The following PAX5 variants were observed in gnomAD, a reference collection of about 807,000 sequenced individuals.
PAX5 encodes the protein paired box protein Pax-5.
In PAX5, 9 loss-of-function variants were observed where a neutral mutation model predicts 43.7. That is an observed-to-expected ratio of 0.21 (90% CI 0.12 to 0.36). The LOEUF is 0.36. PAX5 is among the 10% of genes least tolerant of loss of function. PAX5 has a pLI of 1.00. For synonymous variants in PAX5, 228 were observed against 214.3 expected (o/e 1.06, Z -0.56); for missense variants, 383 against 532.7 (o/e 0.72, Z 2.77).
chr9:36,949,748 C>T (rs1193892536), intron 6 of PAX5, among the ~76,000 whole-genome samples: 1 of 152,240 alleles, frequency 6.6e-6, no homozygotes, highest in Non-Finnish European at 1.5e-5. Flanking sequence ...GTCCTCTCCT[C>T]AGGCCTTTCT....
intron 3 of PAX5, among the ~76,000 whole-genome samples, chr9:37,010,747 T>C (rs1342588616): frequency 6.6e-6 from 1 of 152,138 alleles, no homozygotes; most frequent in Admixed American, 6.5e-5. Context: ...CTGCCATCAG[T>C]GCAGTAAGAA....
chr9:36,947,318 A>C (rs1438600904), intron 6 of PAX5, among the ~76,000 whole-genome samples: 1 of 152,220 alleles, frequency 6.6e-6, no homozygotes, highest in Non-Finnish European at 1.5e-5. Flanking sequence ...GGCTAATGCA[A>C]TGTAAAAATT....
At chr9:37,001,810 C>CTT (rs3073720) in intron 5 of PAX5, among the ~76,000 whole-genome samples, 23,767 of 87,256 alleles carry the variant, frequency 0.27, 2,926 homozygotes, top group Non-Finnish European at 0.31. Context: ...ACAGCTCTGG[C>CTT]TTTTTTTTTT....
At chr9:36,925,322 A>AG (rs1460706696) in intron 6 of PAX5, among the ~76,000 whole-genome samples, 4 of 152,194 alleles carry the variant, frequency 2.6e-5, no homozygotes, top group Admixed American at 2.0e-4. Flanking sequence ...CATGTGGAGA[A>AG]GAGCACAGGC....
At chr9:36,979,393 A>G (rs1033307028) in intron 5 of PAX5, among the ~76,000 whole-genome samples, 1 of 152,220 alleles carries the variant, frequency 6.6e-6, no homozygotes, top group Non-Finnish European at 1.5e-5. Context: ...ATGTAGTTAA[A>G]TTGACGTGTT....
chr9:36,933,243 C>T (rs2132022226), intron 6 of PAX5, among the ~76,000 whole-genome samples: 1 of 152,242 alleles, frequency 6.6e-6, no homozygotes, highest in Non-Finnish European at 1.5e-5. Flanking sequence ...CCTGTCACCG[C>T]TCATCAGCCA....
rs199885584 is a variant in PAX5, at chr9:36,846,831, G to A, written c.1099+12C>T. 282 of 1,607,358 alleles carry A rather than the reference G, an allele frequency of 1.8e-4. No homozygotes were observed. The highest frequency in any genetic ancestry group is 1.7e-3 in the Middle Eastern group (10 of 6,020). ...GGCCCAAGGGCCCCGCAGGGCCTCC[G>A]CCAGTACTCACCAAGCAGCCCCGGG... On this transcript the variant is annotated intron_variant, in intron 9 of 9. Coordinates refer to ENST00000358127, the MANE Select transcript of PAX5 (RefSeq NM_016734.3).
rs768539122 is a variant in PAX5 at position 37,033,970 on chromosome 9, C to A, written c.46+16G>T. ...TCCCGGAGTTTGCACATCTGGAGCC[C>A]GTATCGCGGTCCTACCTGTCCTGCT... On this transcript the variant is annotated intron_variant, in intron 1 of 9. Transcript: ENST00000358127. 9.9e-6 allele frequency: 16 copies of A among 1,611,086 alleles called. No homozygotes were observed. Among genetic ancestry groups the A allele is most frequent in the Non-Finnish European group, 1.3e-5 (15 of 1,179,094 alleles).
intron 6 of PAX5, among the ~76,000 whole-genome samples, chr9:36,960,039 C>T (rs190231283): frequency 6.6e-6 from 1 of 152,326 alleles, no homozygotes; most frequent in East Asian, 1.9e-4. Context: ...GCAATTACTA[C>T]AGCAATCACT....
intron 7 of PAX5, among the ~76,000 whole-genome samples, chr9:36,908,500 C>T (rs114829702): frequency 1.3e-5 from 2 of 152,152 alleles, no homozygotes; most frequent in African/African-American, 4.8e-5. Flanking sequence ...ATTCTAAAAC[C>T]CTCAGGACTT....
chr9:37,026,028 G>A (rs1840320106), intron 1 of PAX5, among the ~76,000 whole-genome samples: 1 of 152,284 alleles, frequency 6.6e-6, no homozygotes, highest in African/African-American at 2.4e-5. Flanking sequence ...TGGAGCCCTA[G>A]CCCCGGTGTC....
chr9:36,953,285 G>C (rs1045548316), intron 6 of PAX5, among the ~76,000 whole-genome samples: 1 of 151,990 alleles, frequency 6.6e-6, no homozygotes, highest in African/African-American at 2.4e-5. Flanking sequence ...CTTTGTCTTT[G>C]ATATTCTGGC....
chr9:36,917,698 C>A (rs1030177629), intron 7 of PAX5, among the ~76,000 whole-genome samples: 37 of 152,292 alleles, frequency 2.4e-4, no homozygotes, highest in African/African-American at 8.4e-4. Flanking sequence ...CCCAGCACAC[C>A]TCATTTTACT....
chr9:36,944,571 C>G (rs759420989), intron 6 of PAX5, among the ~76,000 whole-genome samples: 2 of 152,178 alleles, frequency 1.3e-5, no homozygotes, highest in Admixed American at 1.3e-4. Context: ...GGTTCACGAC[C>G]TCACAGAGTC....
intron 8 of PAX5, among the ~76,000 whole-genome samples, chr9:36,849,975 G>T (rs1822992446): frequency 1.3e-5 from 2 of 151,950 alleles, no homozygotes; most frequent in Admixed American, 1.3e-4. Context: ...ATCCGGAGAA[G>T]CTAGGTCCTT....
At position 36,985,147 on chromosome 9, in the gene PAX5, T is replaced by C. The variant is rs962441576; in HGVS notation, c.604+17501A>G. Among the ~76,000 whole-genome samples, 11 of 152,278 alleles carry C rather than the reference T, an allele frequency of 7.2e-5. No individual in the cohort carries two copies. In the South Asian group the frequency reaches 1.0e-3, roughly 14 times the overall value. On this transcript the variant is annotated intron_variant, in intron 5 of 9. Transcript: ENST00000358127. ...AACACGCTGGGCATCAGTTTGTCCG[T>C]CTTCAAATGGGGGGTGGGGTGGTGA...
At chr9:36,887,388 T>C (rs1175807750) in intron 7 of PAX5, among the ~76,000 whole-genome samples, 4 of 152,140 alleles carry the variant, frequency 2.6e-5, no homozygotes, top group African/African-American at 2.4e-5. Flanking sequence ...CTCGAATCAC[T>C]GGGGCAAATA....
In PAX5 at chr9:36,882,411, G is replaced by T. The variant is rs1159916534; in HGVS notation, c.911-306C>A. On this transcript the variant is annotated intron_variant, in intron 7 of 9. Coordinates refer to ENST00000358127, the MANE Select transcript of PAX5 (RefSeq NM_016734.3). This position sits in a 1 kb window ranked among gnomAD's most constrained non-coding sequence, Gnocchi z 4.4. ...CTTGGGGAGGCTAGGCAATGCAGGTGACAGCACGCCCCGACTCCAGCCAGC... is the reference window on the plus strand; with the variant it reads ...CTTGGGGAGGCTAGGCAATGCAGGTTACAGCACGCCCCGACTCCAGCCAGC... Among the ~76,000 whole-genome samples, 1 of 152,116 alleles carries T rather than the reference G, an allele frequency of 6.6e-6. No homozygotes were observed. Among genetic ancestry groups the T allele is most frequent in the Non-Finnish European group, 1.5e-5 (1 of 68,008 alleles).
chr9:36,882,472 C>T lies in PAX5; in HGVS notation c.911-367G>A, dbSNP rs1267488319. Among the ~76,000 whole-genome samples, 1 of 152,128 alleles carries T rather than the reference C, an allele frequency of 6.6e-6. No homozygotes were observed. The highest frequency in any genetic ancestry group is 1.9e-4 in the East Asian group (1 of 5,192). On this transcript the variant is annotated intron_variant, in intron 7 of 9. Transcript: ENST00000358127. This position sits in a 1 kb window ranked among gnomAD's most constrained non-coding sequence, Gnocchi z 4.4. ...CTCTACTCCCCAAGAATGGCTGGGACCTCTCCATCTCCACACTGTTGTTTC... is the reference window on the plus strand; with the variant it reads ...CTCTACTCCCCAAGAATGGCTGGGATCTCTCCATCTCCACACTGTTGTTTC...
Sources: gnomAD v4.1 joint callset for allele counts (sites outside exome capture counted in the v4.1 genomes callset) on GRCh38, gnomAD v4.1.1 for gene constraint, Gnocchi (gnomAD v3.1) non-coding constraint, MANE v1.5 for transcripts, NCBI Gene and HGNC (gene_info 2026-07-23, HGNC 2026-07-21) for gene names.